Variants in IL26 observed in about 807,000 individuals in gnomAD.
The protein encoded by IL26 is interleukin 26.
A neutral mutation model predicts 21.7 loss-of-function variants in IL26; 23 were observed. That is an observed-to-expected ratio of 1.06 (90% CI 0.76 to 1.50). IL26 has a LOEUF of 1.50. Among genes scored for constraint, IL26 ranks in the 40% most tolerant of loss-of-function variants. IL26 has a pLI of 0.00. For synonymous variants in IL26, 63 were observed against 67.8 expected, an observed-to-expected ratio of 0.93 and a Z score of 0.34; for missense variants, 204 against 196.0, an observed-to-expected ratio of 1.04 and a Z score of -0.24.
At chr12:68,210,338 C>CAAAAAAAAAAAAAAAAAAAAAAAAAA (rs540693081) in intron 3 of IL26, among the ~76,000 whole-genome samples, 6 of 22,096 alleles carry the variant, frequency 2.7e-4, no homozygotes, top group Non-Finnish European at 6.1e-4. Context: ...ATCAGTTTGG[C>CAAAAAAAAAAAAAAAAAAAAAAAAAA]AAAAAAAAAA....
intron 3 of IL26, among the ~76,000 whole-genome samples, chr12:68,222,825 A>C (rs995235199): frequency 5.3e-5 from 8 of 152,160 alleles, no homozygotes; most frequent in Admixed American, 4.6e-4. Flanking sequence ...GAAATACGGC[A>C]AGTATAATTA....
At chr12:68,220,170 T>C (rs1488960793) in intron 3 of IL26, among the ~76,000 whole-genome samples, 1 of 152,162 alleles carries the variant, frequency 6.6e-6, no homozygotes, top group East Asian at 1.9e-4. Flanking sequence ...ACTAACACTT[T>C]CTGAAAATTG....
At chr12:68,204,245 G>A (rs1023183553) in intron 3 of IL26, among the ~76,000 whole-genome samples, 4 of 148,168 alleles carry the variant, frequency 2.7e-5, no homozygotes, top group Non-Finnish European at 5.9e-5. Flanking sequence ...CGGGGTTCAC[G>A]CCATTCCCCT....
At chr12:68,222,053 T>G (rs1869060426) in intron 3 of IL26, among the ~76,000 whole-genome samples, 1 of 152,210 alleles carries the variant, frequency 6.6e-6, no homozygotes, top group Admixed American at 6.5e-5. Flanking sequence ...TTAAAATGTC[T>G]TTGCAACTTT....
At chr12:68,209,750 A>G (rs1019118232) in intron 3 of IL26, among the ~76,000 whole-genome samples, 8 of 152,108 alleles carry the variant, frequency 5.3e-5, no homozygotes, top group African/African-American at 1.9e-4. Flanking sequence ...CTTTTACCCC[A>G]ACACCAATAA....
rs750428765 is a variant in IL26, at chr12:68,201,907, C to T, written c.454G>A (p.Ala152Thr). The change falls in exon 5 of 5, where the codon GCC becomes ACC. Residue 152 changes from alanine to threonine, a missense_variant. By Grantham distance (58) the Ala-to-Thr change is moderately conservative. Transcript: ENST00000229134. ...AGAAGAATATCCAGTTCACTGATGG[C>T]TTTGTAGATTCCTTTGTTTCCAATC... ...YRIGNKGIYK[A>T]ISELDILLSW... The T allele has an allele frequency of 1.2e-6, 2 of 1,603,914 alleles. No homozygotes were observed. Among genetic ancestry groups the T allele is most frequent in the South Asian group, 2.3e-5 (2 of 87,870 alleles).
intron 3 of IL26, among the ~76,000 whole-genome samples, chr12:68,219,160 G>A (rs1409879400): frequency 1.3e-5 from 2 of 151,918 alleles, no homozygotes; most frequent in African/African-American, 4.8e-5. Context: ...GAGAGAAAAA[G>A]TAAAAAGCTG....
chr12:68,205,616 G>C (rs2120424752), intron 3 of IL26, among the ~76,000 whole-genome samples: 1 of 152,260 alleles, frequency 6.6e-6, no homozygotes, highest in East Asian at 1.9e-4. Context: ...TGCCATCTCA[G>C]GGATGGCAGA....
chr12:68,210,380 A>C (rs1324309446), intron 3 of IL26, among the ~76,000 whole-genome samples: 2 of 109,690 alleles, frequency 1.8e-5, no homozygotes, highest in Non-Finnish European at 3.8e-5. Context: ...AAAAAAAAAA[A>C]AAAACAGCAC....
At chr12:68,216,291 T>C (rs1868877121) in intron 3 of IL26, among the ~76,000 whole-genome samples, 1 of 151,846 alleles carries the variant, frequency 6.6e-6, no homozygotes, top group Non-Finnish European at 1.5e-5. Flanking sequence ...CTCCGTCTCA[T>C]AAAAAAATAA....
At chr12:68,218,250 CAATT>C (rs934508087) in intron 3 of IL26, among the ~76,000 whole-genome samples, 2 of 151,858 alleles carry the variant, frequency 1.3e-5, no homozygotes, top group Admixed American at 1.3e-4. Flanking sequence ...AAAAATCAAT[CAATT>C]GAAACCAACC....
At chr12:68,210,782 AGTT>A (rs1868706581) in intron 3 of IL26, among the ~76,000 whole-genome samples, 1 of 152,184 alleles carries the variant, frequency 6.6e-6, no homozygotes, top group Admixed American at 6.5e-5. Flanking sequence ...AATTAGAAAG[AGTT>A]TTTTTAATAC....
intron 3 of IL26, among the ~76,000 whole-genome samples, chr12:68,203,513 C>G (rs569395222): frequency 9.9e-5 from 15 of 152,274 alleles, no homozygotes; most frequent in African/African-American, 3.6e-4. Context: ...GTGTCACTAT[C>G]TAACAGTTAA....
At position 68,225,682 on chromosome 12, in the gene IL26, T is replaced by C; in HGVS notation, c.75A>G (p.Gln25=). ...TLSLAIAKHK[Q]SSFTKSCYPR... is the part of the protein sequence containing the mutation. ...GGTAACAACTTTTGGTGAAGGAAGA[T>C]TGCTTGTGCTTGGCAATGGCAAGAG... The change falls in exon 1 of 5, where the codon CAA becomes CAG. Residue 25 remains glutamine (Q), a synonymous_variant. Transcript: ENST00000229134. The C allele has an allele frequency of 6.2e-7, 1 of 1,614,074 alleles. No homozygotes were observed. Among genetic ancestry groups the C allele is most frequent in the Non-Finnish European group, 8.5e-7 (1 of 1,179,958 alleles).
At chr12:68,214,884 G>GTTTTTTTTTTTTTTTTTAT (rs35904332) in intron 3 of IL26, among the ~76,000 whole-genome samples, 1 of 144,376 alleles carries the variant, frequency 6.9e-6, no homozygotes, top group East Asian at 2.1e-4. Flanking sequence ...CCTGTTTTAT[G>GTTTTTTTTTTTTTTTTTAT]TTTTTTTTTT....
At chr12:68,207,970 A>G (rs1868590791) in intron 3 of IL26, among the ~76,000 whole-genome samples, 1 of 152,136 alleles carries the variant, frequency 6.6e-6, no homozygotes, top group Non-Finnish European at 1.5e-5. Flanking sequence ...ATTGTTACAA[A>G]TCTCCAAAAA....
chr12:68,213,051 A>T (rs1868778139), intron 3 of IL26, among the ~76,000 whole-genome samples: 1 of 152,054 alleles, frequency 6.6e-6, no homozygotes, highest in African/African-American at 2.4e-5. Flanking sequence ...GTTCTGAGGT[A>T]TGCCCCTTCT....
At chr12:68,223,366 C>T (rs1207898029) in intron 3 of IL26, among the ~76,000 whole-genome samples, 1 of 152,180 alleles carries the variant, frequency 6.6e-6, no homozygotes, top group Non-Finnish European at 1.5e-5. Flanking sequence ...AGAGCGGCGC[C>T]ACACTGTCCC....
At chr12:68,210,260 GC>G (rs1868672141) in intron 3 of IL26, among the ~76,000 whole-genome samples, 2 of 145,662 alleles carry the variant, frequency 1.4e-5, no homozygotes, top group African/African-American at 2.5e-5. Flanking sequence ...TATCTGAAGT[GC>G]TTTTAAAGCC....
Sources: allele counts gnomAD v4.1 joint callset (sites outside exome capture counted in the v4.1 genomes callset), GRCh38; gene constraint gnomAD v4.1.1; transcripts MANE v1.5; gene names NCBI Gene and HGNC (gene_info 2026-07-23, HGNC 2026-07-21).